Variants in PCDHGA3 observed in about 807,000 individuals in gnomAD.
PCDHGA3 encodes protocadherin gamma-A3.
In PCDHGA3, 40 loss-of-function variants were observed where a neutral mutation model predicts 58.5. The ratio of observed to expected loss-of-function variants is 0.68; its 90% CI spans 0.53 to 0.89. PCDHGA3 has a LOEUF of 0.89. Among genes scored for constraint, PCDHGA3 ranks in the 40% least tolerant of loss-of-function variants. The pLI is 0.00. For synonymous variants in PCDHGA3, 530 were observed against 525.7 expected, an observed-to-expected ratio of 1.01 and a Z score of -0.11; for missense variants, 1,223 against 1,195.9, an observed-to-expected ratio of 1.02 and a Z score of -0.33.
chr5:141,436,659 G>A (rs771567212), intron 1 of PCDHGA3, among the ~76,000 whole-genome samples: 3 of 152,136 alleles, frequency 2.0e-5, no homozygotes, highest in Non-Finnish European at 2.9e-5. Flanking sequence ...GCCATTTTTA[G>A]TGGTTGACCA....
At chr5:141,437,903 A>G (rs1591482477) in intron 1 of PCDHGA3, among the ~76,000 whole-genome samples, 1 of 152,064 alleles carries the variant, frequency 6.6e-6, no homozygotes, top group East Asian at 1.9e-4. Context: ...ACACCCAGCT[A>G]ATTTTTGTAT....
At chr5:141,389,823 G>C in intron 1 of PCDHGA3, 11 of 1,613,944 alleles carry the variant, frequency 6.8e-6, no homozygotes, top group Non-Finnish European at 6.8e-6. Flanking sequence ...CGTGCGTGAC[G>C]GTGGACAGCC....
At chr5:141,360,906 G>A in intron 1 of PCDHGA3, 4 of 1,614,012 alleles carry the variant, frequency 2.5e-6, no homozygotes, top group South Asian at 1.1e-5. Context: ...ACGTGCCGCC[G>A]GGCTTCTTTG....
intron 1 of PCDHGA3, among the ~76,000 whole-genome samples, chr5:141,483,010 G>C (rs574078222): frequency 6.6e-6 from 1 of 152,006 alleles, no homozygotes; most frequent in Non-Finnish European, 1.5e-5. Flanking sequence ...GCTTGAACCC[G>C]GGAGGCAGAG....
intron 1 of PCDHGA3, chr5:141,423,381 G>T (rs2154550114): frequency 6.2e-7 from 1 of 1,614,204 alleles, no homozygotes; most frequent in East Asian, 2.2e-5. Flanking sequence ...TCAGGCTGTG[G>T]CGCTGGCATA....
chr5:141,505,625 C>T, intron 3 of PCDHGA3, 144 bp downstream of exon 3: 1 of 1,489,114 alleles, frequency 6.7e-7, no homozygotes, highest in Non-Finnish European at 9.0e-7. Context: ...CCCACAATTC[C>T]AAACATAAAG....
chr5:141,491,895 A>C lies in PCDHGA3; in HGVS notation c.2425-2912A>C. 1.4e-6 allele frequency: 2 copies of C among 1,434,306 alleles called. No individual in the cohort carries two copies. The highest frequency in any genetic ancestry group is 1.8e-6 in the Non-Finnish European group (2 of 1,084,904). 88.8% of individuals were successfully genotyped at this position (1,434,306 alleles called of 1,614,324 possible). Reference sequence around the variant, plus strand: ...CCGATTAAGGGATGGGGCTCCGAGCACCGGGGGTGGTGGCGACTGTGGGCG... The same window carrying C: ...CCGATTAAGGGATGGGGCTCCGAGCCCCGGGGGTGGTGGCGACTGTGGGCG... On this transcript the variant is annotated intron_variant, in intron 1 of 3. Transcript: ENST00000253812. The surrounding 1 kb of genome is among the most constrained non-coding windows in gnomAD (Gnocchi z 6.9).
intron 1 of PCDHGA3, chr5:141,383,281 G>C: frequency 6.2e-7 from 1 of 1,613,922 alleles, no homozygotes; most frequent in Non-Finnish European, 8.5e-7. Context: ...AGATATTAAT[G>C]ACAACGTTCC....
rs540188136 is a variant in PCDHGA3 at position 141,375,695 on chromosome 5, G to T, written c.2424+29238G>T. Reference sequence around the variant, plus strand: ...GCTGTGGGTGACAGCCAGCGACAGCGGGGACCCGCCTCTTAGCAGCAACGT... The same window carrying T: ...GCTGTGGGTGACAGCCAGCGACAGCTGGGACCCGCCTCTTAGCAGCAACGT... On this transcript the variant is annotated intron_variant, in intron 1 of 3. Coordinates refer to ENST00000253812, the MANE Select transcript of PCDHGA3 (RefSeq NM_018916.4). 1.5e-5 allele frequency: 25 copies of T among 1,614,250 alleles called. No individual in the cohort carries two copies. In the African/African-American group the frequency reaches 2.9e-4, roughly 19 times the overall value.
chr5:141,455,401 A>G (rs1252870027), intron 1 of PCDHGA3, among the ~76,000 whole-genome samples: 1 of 152,158 alleles, frequency 6.6e-6, no homozygotes, highest in Non-Finnish European at 1.5e-5. Context: ...TCCCCCTTAC[A>G]GAGACAGAGG....
intron 1 of PCDHGA3, among the ~76,000 whole-genome samples, chr5:141,433,408 A>ATCTATCTATCTATCT (rs1413347413): frequency 7.9e-6 from 1 of 127,280 alleles, no homozygotes; most frequent in African/African-American, 2.9e-5. Flanking sequence ...TCTATCTATT[A>ATCTATCTATCTATCT]CTTTCTTGTA....
chr5:141,350,818 T>C, intron 1 of PCDHGA3: 1 of 1,614,010 alleles, frequency 6.2e-7, no homozygotes, highest in Non-Finnish European at 8.5e-7. Context: ...CTGATGGAAG[T>C]AAATATCCGG....
At position 141,347,070 on chromosome 5, in the gene PCDHGA3, CCT is replaced by C. The variant is rs1318040353; in HGVS notation, c.2424+622_2424+623del. On this transcript the variant is annotated intron_variant, in intron 1 of 3. Coordinates refer to ENST00000253812, the MANE Select transcript of PCDHGA3 (RefSeq NM_018916.4). ...CTCTTTCCTCCTTCCTTCCTTCCTT[CCT>C]CTCTCTCTTTCCTCCTTCCTTCCTT... is the stretch of plus-strand genomic sequence containing the variant. Among the ~76,000 whole-genome samples, 5 of 144,048 alleles carry C rather than the reference CCT, an allele frequency of 3.5e-5. No individual in the cohort carries two copies. In the South Asian group the frequency reaches 9.0e-4, roughly 26 times the overall value. The allele number at this position is 144,048 out of a possible 152,430, so 94.5% of individuals were successfully genotyped here. A position where few individuals can be genotyped will look rare whatever the true frequency, so the allele number is the denominator to read the frequency against.
intron 1 of PCDHGA3, chr5:141,392,409 A>G (rs1308940731): frequency 6.4e-6 from 1 of 156,720 alleles, no homozygotes; most frequent in African/African-American, 2.4e-5. Context: ...ACTAAATAAA[A>G]CCTTCATCTC....
chr5:141,457,023 A>G (rs1339517071), intron 1 of PCDHGA3, among the ~76,000 whole-genome samples: 1 of 152,228 alleles, frequency 6.6e-6, no homozygotes, highest in Non-Finnish European at 1.5e-5. Flanking sequence ...AAAAAGTCCT[A>G]GTAGACTCAG....
rs369637121 is a variant in PCDHGA3 at position 141,388,619 on chromosome 5, C to G, written c.2424+42162C>G. ...ATAATGCTCCAGTGTTCAGTCAAGA[C>G]GTATACAGGGTGAGCCTTTCAGAAA... On this transcript the variant is annotated intron_variant, in intron 1 of 3. Transcript: ENST00000253812. 18 of 1,613,852 alleles carry G rather than the reference C, an allele frequency of 1.1e-5. No individual in the cohort carries two copies. The African/African-American group carries it at 1.7e-4, about 16-fold the overall frequency.
At chr5:141,492,242 C>G (rs2099738685) in intron 1 of PCDHGA3, among the ~76,000 whole-genome samples, 1 of 152,190 alleles carries the variant, frequency 6.6e-6, no homozygotes, top group Admixed American at 6.5e-5. Flanking sequence ...GCTGGCCACC[C>G]CCACGGCCCA....
chr5:141,439,889 C>T (rs997306014), intron 1 of PCDHGA3: 1 of 152,348 alleles, frequency 6.6e-6, no homozygotes, highest in Admixed American at 6.5e-5. Context: ...CTGGGTAGAA[C>T]CAAGGCGACT....
At chr5:141,390,348 A>G in intron 1 of PCDHGA3, 1 of 1,572,378 alleles carries the variant, frequency 6.4e-7, no homozygotes, top group Middle Eastern at 1.7e-4. Flanking sequence ...ACAAGAAAAT[A>G]TACATATTTG....
Sources: allele counts gnomAD v4.1 joint callset (sites outside exome capture counted in the v4.1 genomes callset), GRCh38; gene constraint gnomAD v4.1.1; non-coding constraint Gnocchi (gnomAD v3.1); transcripts MANE v1.5; gene names NCBI Gene and HGNC (gene_info 2026-07-23, HGNC 2026-07-21).